Variants in SEMA3A observed in about 807,000 individuals in gnomAD.
SEMA3A encodes the protein semaphorin 3A, also known as semaphorin-3A.
In SEMA3A, 29 loss-of-function variants were observed where a neutral mutation model predicts 97.9. The ratio of observed to expected loss-of-function variants is 0.30; its 90% CI spans 0.22 to 0.40. The LOEUF (loss-of-function observed/expected upper bound fraction) is 0.40, where lower values mean the gene tolerates loss of function less well. Among genes scored for constraint, SEMA3A ranks in the 10% least tolerant of loss-of-function variants. The pLI, the probability that SEMA3A is intolerant of heterozygous loss-of-function variation, is 1.00. For synonymous variants in SEMA3A, 321 were observed against 323.7 expected, an observed-to-expected ratio of 0.99 and a Z score of 0.09; for missense variants, 763 against 951.3, an observed-to-expected ratio of 0.80 and a Z score of 2.60.
At chr7:84,262,879 G>C (rs1253267251) in intron 3 of SEMA3A, among the ~76,000 whole-genome samples, 1 of 152,120 alleles carries the variant, frequency 6.6e-6, no homozygotes, top group Non-Finnish European at 1.5e-5. Flanking sequence ...GCCTCTGCCA[G>C]GCTTTATTCA....
At chr7:84,414,021 T>C (rs1156573547) in intron 1 of SEMA3A, among the ~76,000 whole-genome samples, 2 of 152,142 alleles carry the variant, frequency 1.3e-5, no homozygotes, top group Non-Finnish European at 2.9e-5. Flanking sequence ...CATATACTGC[T>C]TCACCGTAAA....
chr7:83,959,296 AAC>A lies in SEMA3A; in HGVS notation c.*2073_*2074del, dbSNP rs1788379343. 2 of 152,088 alleles carry A rather than the reference AAC, an allele frequency of 1.3e-5. No individual in the cohort carries two copies. Among genetic ancestry groups the A allele is most frequent in the South Asian group, 2.1e-4 (1 of 4,836 alleles). The allele number at this position is 152,088 out of a possible 1,614,324, so 9.4% of individuals were successfully genotyped here. On this transcript the variant is annotated 3_prime_UTR_variant, in exon 17 of 17. Coordinates refer to ENST00000265362, the MANE Select transcript of SEMA3A (RefSeq NM_006080.3). ...TATTTCAGCTGCAAATTTAGAATGA[AAC>A]ACAACACTGAATGTTAGTACAGTTT...
chr7:84,009,055 A>C (rs1412785649), intron 9 of SEMA3A, among the ~76,000 whole-genome samples: 1 of 152,220 alleles, frequency 6.6e-6, no homozygotes, highest in East Asian at 1.9e-4. Context: ...AAATTATTTT[A>C]TCTCTAGCTC....
chr7:84,038,145 G>A (rs921947169), intron 6 of SEMA3A, among the ~76,000 whole-genome samples: 2 of 152,004 alleles, frequency 1.3e-5, no homozygotes, highest in Non-Finnish European at 2.9e-5. Flanking sequence ...AAGCAGAGTC[G>A]ATTTACTTTC....
In SEMA3A at chr7:84,258,905, A is replaced by ATT. The variant is rs200676381; in HGVS notation, c.-83+48300_-83+48301dup. 3.8e-3 allele frequency among the ~76,000 whole-genome samples: 539 copies of ATT among 141,356 alleles called. 1 individual carries two copies. Among genetic ancestry groups the ATT allele is most frequent in the African/African-American group, 0.012 (479 of 38,490 alleles). 92.7% of individuals were successfully genotyped at this position (141,356 alleles called of 152,430 possible). A position where few individuals can be genotyped will look rare whatever the true frequency, so the allele number is the denominator to read the frequency against. On this transcript the variant is annotated intron_variant, in intron 3 of 3. Coordinates refer to the SEMA3A transcript ENST00000424555. ...GGGATTATCTAAACCAGAAGGGATGATTTTTTTTTTTTTTTCCTTTTCTGA... is the reference window on the plus strand; with the variant it reads ...GGGATTATCTAAACCAGAAGGGATGATTTTTTTTTTTTTTTTTCCTTTTCTGA...
chr7:84,363,264 A>T (rs960946218), intron 2 of SEMA3A, among the ~76,000 whole-genome samples: 23 of 151,956 alleles, frequency 1.5e-4, no homozygotes, highest in African/African-American at 5.3e-4. Context: ...GAACTGATTC[A>T]TTAAGTGAGA....
At chr7:84,439,592 G>A (rs907268476) in intron 1 of SEMA3A, among the ~76,000 whole-genome samples, 3 of 152,120 alleles carry the variant, frequency 2.0e-5, no homozygotes, top group African/African-American at 7.2e-5. Context: ...TGTTTCTGAT[G>A]AGACTTTTCA....
chr7:84,200,750 T>C (rs1478898743), intron 3 of SEMA3A, among the ~76,000 whole-genome samples: 1 of 151,958 alleles, frequency 6.6e-6, no homozygotes, highest in Non-Finnish European at 1.5e-5. Flanking sequence ...TCCTGAATAT[T>C]AATATATTAA....
rs550912648 is a variant in SEMA3A, at chr7:84,150,781, G to T, written c.113-15830C>A. On this transcript the variant is annotated intron_variant, in intron 1 of 16. Coordinates refer to ENST00000265362, the MANE Select transcript of SEMA3A (RefSeq NM_006080.3). Reference sequence around the variant, plus strand: ...CCTGCCTCTGTAGGCTCCACCTCTGGGGGCAGGGCACAGACAAACAAAAAG... The same window carrying T: ...CCTGCCTCTGTAGGCTCCACCTCTGTGGGCAGGGCACAGACAAACAAAAAG... Among the ~76,000 whole-genome samples the T allele has an allele frequency of 1.1e-4, 16 of 152,192 alleles. 1 individual carries two copies. Among genetic ancestry groups the T allele is most frequent in the Admixed American group, 7.2e-4 (11 of 15,284 alleles).
rs969012972 is a variant in SEMA3A, at chr7:83,957,565, G to C, written c.*3806C>G. 3.3e-5 allele frequency: 5 copies of C among 151,950 alleles called. No individual in the cohort carries two copies. The highest frequency in any genetic ancestry group is 1.5e-5 in the Non-Finnish European group (1 of 67,942). 9.4% of individuals were successfully genotyped at this position (151,950 alleles called of 1,614,324 possible). A position where few individuals can be genotyped will look rare whatever the true frequency, so the allele number is the denominator to read the frequency against. ...CCTTGGTTACGTTGATTGCGAAACTGTCCTTACTATATGGGCTGTCACATA... is the reference window on the plus strand; with the variant it reads ...CCTTGGTTACGTTGATTGCGAAACTCTCCTTACTATATGGGCTGTCACATA... On this transcript the variant is annotated 3_prime_UTR_variant, in exon 17 of 17. Transcript: ENST00000265362.
rs113971465 is a variant in SEMA3A at position 84,314,126 on chromosome 7, A to G, written c.-168-6834T>C. Among the ~76,000 whole-genome samples, 5 of 152,198 alleles carry G rather than the reference A, an allele frequency of 3.3e-5. 1 individual carries two copies. The highest frequency in any genetic ancestry group is 1.2e-4 in the African/African-American group (5 of 41,554). ...ACATTTTTACCCTTTCTATGTGTGT[A>G]TGATAGCTTCTCAAATTCATTCTAA... On this transcript the variant is annotated intron_variant, in intron 2 of 3. Transcript: ENST00000424555.
intron 1 of SEMA3A, among the ~76,000 whole-genome samples, chr7:84,439,275 G>T (rs975868753): frequency 6.6e-6 from 1 of 152,004 alleles, no homozygotes; most frequent in Non-Finnish European, 1.5e-5. Context: ...TTAAGCCCAG[G>T]AAGAATTTTC....
At chr7:84,015,767 C>T (rs1243349624) in intron 6 of SEMA3A, among the ~76,000 whole-genome samples, 3 of 152,110 alleles carry the variant, frequency 2.0e-5, no homozygotes, top group Non-Finnish European at 1.5e-5. Context: ...TGCGTGTAAC[C>T]TTTTAACATT....
rs553318087 is a variant in SEMA3A at position 84,319,462 on chromosome 7, C to T, written c.-168-12170G>A. 2.6e-5 allele frequency among the ~76,000 whole-genome samples: 4 copies of T among 152,128 alleles called. No homozygotes were observed. The South Asian group carries it at 6.3e-4, about 24-fold the overall frequency. On this transcript the variant is annotated intron_variant, in intron 2 of 3. Coordinates refer to the SEMA3A transcript ENST00000424555. ...ATTTACTTCAGTGGCATAATAATTTCCTTAACTTCATCAGTAAAAGTTACT... is the reference window on the plus strand; with the variant it reads ...ATTTACTTCAGTGGCATAATAATTTTCTTAACTTCATCAGTAAAAGTTACT...
chr7:84,075,797 T>C (rs1348395874), intron 4 of SEMA3A, among the ~76,000 whole-genome samples: 1 of 152,162 alleles, frequency 6.6e-6, no homozygotes, highest in African/African-American at 2.4e-5. Flanking sequence ...AGCACTTCTC[T>C]ATTGTAGCAG....
chr7:84,289,475 T>C (rs1800686593), intron 3 of SEMA3A, among the ~76,000 whole-genome samples: 1 of 152,004 alleles, frequency 6.6e-6, no homozygotes, highest in African/African-American at 2.4e-5. Flanking sequence ...TACCATACTA[T>C]ACCCCATAAA....
chr7:84,148,456 C>T (rs891170643), intron 1 of SEMA3A, among the ~76,000 whole-genome samples: 5 of 152,088 alleles, frequency 3.3e-5, no homozygotes, highest in African/African-American at 4.8e-5. Flanking sequence ...CAGCATACAA[C>T]GTAGTCCGGG....
intron 3 of SEMA3A, among the ~76,000 whole-genome samples, chr7:84,266,045 A>G (rs992703097): frequency 2.6e-5 from 4 of 152,202 alleles, no homozygotes; most frequent in Middle Eastern, 6.8e-3. Context: ...CTAGCTGGGC[A>G]TGGTAGCTCA....
chr7:84,029,414 T>C (rs1791659505), intron 6 of SEMA3A, among the ~76,000 whole-genome samples: 1 of 152,196 alleles, frequency 6.6e-6, no homozygotes, highest in Admixed American at 6.5e-5. Context: ...TTTAGAGATT[T>C]GTATTTTATA....
Sources: gnomAD v4.1 joint callset for allele counts (sites outside exome capture counted in the v4.1 genomes callset) on GRCh38, gnomAD v4.1.1 for gene constraint, MANE v1.5 for transcripts, NCBI Gene and HGNC (gene_info 2026-07-23, HGNC 2026-07-21) for gene names.